Variants in SCML4 observed in about 807,000 individuals in gnomAD.
SCML4 encodes sex comb on midleg-like protein 4.
A neutral mutation model predicts 41.1 loss-of-function variants in SCML4; 34 were observed. The observed-to-expected ratio is 0.83, with a 90% confidence interval of 0.63 to 1.10. The LOEUF is 1.10. SCML4 is among the 50% of genes least tolerant of loss of function. The pLI, the probability that SCML4 is intolerant of heterozygous loss-of-function variation, is 0.00. For missense variants in SCML4, 522 were observed against 534.1 expected, an observed-to-expected ratio of 0.98 and a Z score of 0.22; for synonymous variants, 214 against 220.9, an observed-to-expected ratio of 0.97 and a Z score of 0.28.
chr6:107,845,771 T>C, the SCML4 span, among the ~76,000 whole-genome samples: 8 of 152,232 alleles, frequency 5.3e-5, no homozygotes, highest in South Asian at 6.2e-4. Flanking sequence ...CAGGGCTTTA[T>C]GAGACCCAAA....
At chr6:107,768,415 T>C (rs1032532395) in intron 2 of SCML4, among the ~76,000 whole-genome samples, 1 of 152,252 alleles carries the variant, frequency 6.6e-6, no homozygotes, top group East Asian at 1.9e-4. Flanking sequence ...TTTTAAGTCA[T>C]TTTAACTATT....
chr6:107,798,268 G>T (rs2114627604), intron 1 of SCML4, among the ~76,000 whole-genome samples: 1 of 151,976 alleles, frequency 6.6e-6, no homozygotes, highest in Admixed American at 6.5e-5. Context: ...TCTTTTTATG[G>T]AAAAGTTTTT....
intron 2 of SCML4, among the ~76,000 whole-genome samples, chr6:107,756,109 T>A (rs574053040): frequency 1.3e-5 from 2 of 152,236 alleles, no homozygotes; most frequent in African/African-American, 4.8e-5. Context: ...AAATAATTTA[T>A]GTAGACACCC....
At chr6:107,723,969 G>A (rs1775696742) in intron 5 of SCML4, among the ~76,000 whole-genome samples, 1 of 152,070 alleles carries the variant, frequency 6.6e-6, no homozygotes, top group Non-Finnish European at 1.5e-5. Flanking sequence ...CCATGACCAA[G>A]TAGGATTTAT....
intron 6 of SCML4, among the ~76,000 whole-genome samples, chr6:107,713,683 G>A (rs568051125): frequency 2.0e-5 from 3 of 152,258 alleles, no homozygotes; most frequent in Admixed American, 6.5e-5. Flanking sequence ...CATTGTCTCC[G>A]ACAGGGACCC....
chr6:107,802,651 G>T (rs1783261344), intron 1 of SCML4, among the ~76,000 whole-genome samples: 1 of 109,132 alleles, frequency 9.2e-6, no homozygotes, highest in South Asian at 3.7e-4. Flanking sequence ...AAATTGGAAA[G>T]GCTCCTCCTC....
chr6:107,772,066 C>T (rs1280364557), intron 2 of SCML4, 106 bp downstream of exon 2: 16 of 964,574 alleles, frequency 1.7e-5, no homozygotes, highest in Non-Finnish European at 2.4e-5. Context: ...CTCATCCTGT[C>T]TCTACCAAGC....
intron 6 of SCML4, chr6:107,720,455 T>C: frequency 8.4e-7 from 1 of 1,195,930 alleles, no homozygotes; most frequent in Non-Finnish European, 1.0e-6. Flanking sequence ...TTTGAGCCTG[T>C]GTACATTTTG....
At chr6:107,709,220 A>G (rs1485692153) in intron 6 of SCML4, among the ~76,000 whole-genome samples, 1 of 152,192 alleles carries the variant, frequency 6.6e-6, no homozygotes, top group Non-Finnish European at 1.5e-5. Flanking sequence ...CCTCAAGGTC[A>G]AGGGCTCTCT....
At chr6:107,746,596 T>C in intron 4 of SCML4, 93 bp downstream of exon 4, 1 of 1,138,228 alleles carries the variant, frequency 8.8e-7, no homozygotes, top group East Asian at 2.4e-5. Context: ...GGACAGACCC[T>C]GGCCACACCT....
intron 1 of SCML4, among the ~76,000 whole-genome samples, chr6:107,814,240 T>G (rs1460201571): frequency 1.3e-5 from 2 of 152,232 alleles, no homozygotes; most frequent in Non-Finnish European, 2.9e-5. Flanking sequence ...AGAATGGGGT[T>G]TCAACATCAT....
At chr6:107,834,800 C>G in the SCML4 span, among the ~76,000 whole-genome samples, 3 of 151,950 alleles carry the variant, frequency 2.0e-5, no homozygotes, top group Non-Finnish European at 4.4e-5. Context: ...CAAAAATTAG[C>G]CAGACATGGC....
intron 5 of SCML4, among the ~76,000 whole-genome samples, chr6:107,722,959 T>C (rs1156454297): frequency 1.3e-5 from 2 of 151,620 alleles, no homozygotes; most frequent in East Asian, 1.9e-4. Flanking sequence ...TAAAAAACAA[T>C]AGAAGAAATC....
chr6:107,804,616 T>G (rs1783580301), intron 1 of SCML4, among the ~76,000 whole-genome samples: 1 of 88,598 alleles, frequency 1.1e-5, no homozygotes, highest in South Asian at 5.8e-4. Context: ...GGCTTAGCTC[T>G]CCAAACATCT....
intron 1 of SCML4, among the ~76,000 whole-genome samples, chr6:107,788,213 G>A (rs9486695): frequency 0.033 from 5,030 of 152,280 alleles, 276 homozygotes; most frequent in African/African-American, 0.11. Flanking sequence ...CAAGGACCAG[G>A]AAAGCTGGCT....
chr6:107,799,367 G>A (rs144857093), intron 1 of SCML4, among the ~76,000 whole-genome samples: 1 of 152,146 alleles, frequency 6.6e-6, no homozygotes, highest in East Asian at 1.9e-4. Context: ...GTATGATATT[G>A]CTATAGTCAC....
the SCML4 span, among the ~76,000 whole-genome samples, chr6:107,830,044 A>G: frequency 6.6e-6 from 1 of 152,186 alleles, no homozygotes; most frequent in South Asian, 2.1e-4. Context: ...TCTGGAGCCC[A>G]TGTGGGGTGC....
In SCML4 at chr6:107,749,683, C is replaced by A; in HGVS notation, c.286+1G>T. On this transcript the variant is annotated splice_donor_variant, in intron 3 of 7. Transcript: ENST00000369020. LOFTEE classifies it high-confidence loss of function. ...CCTTGGAGTTCATTCTGCTGACCTA[C>A]CTGTGAGAGCCTGTGGGGCCGCCAA... The A allele has an allele frequency of 2.5e-6, 4 of 1,613,794 alleles. No individual in the cohort carries two copies. Among genetic ancestry groups the A allele is most frequent in the Non-Finnish European group, 3.4e-6 (4 of 1,179,942 alleles).
intron 1 of SCML4, among the ~76,000 whole-genome samples, chr6:107,780,664 G>A (rs1781412533): frequency 1.3e-5 from 2 of 151,734 alleles, no homozygotes; most frequent in South Asian, 2.1e-4. Flanking sequence ...CCAAGATCTC[G>A]TCACTGCACT....
Sources: allele counts gnomAD v4.1 joint callset (sites outside exome capture counted in the v4.1 genomes callset), GRCh38; gene constraint gnomAD v4.1.1; transcripts MANE v1.5; gene names NCBI Gene and HGNC (gene_info 2026-07-23, HGNC 2026-07-21).